NCKAP5: variants seen among roughly 807,000 people sequenced by gnomAD.
NCKAP5 encodes the protein NCK associated protein 5.
In NCKAP5, 92 loss-of-function variants were observed where a neutral mutation model predicts 167.0. That is an observed-to-expected ratio of 0.55 (90% CI 0.47 to 0.66). The LOEUF is 0.66. NCKAP5 is among the 30% of genes least tolerant of loss of function. The pLI is 0.00. For synonymous variants in NCKAP5, 891 were observed against 877.4 expected (o/e 1.02, Z -0.27); for missense variants, 2,378 against 2,315.0 (o/e 1.03, Z -0.56).
intron 5 of NCKAP5, among the ~76,000 whole-genome samples, chr2:133,190,613 C>T (rs866350879): frequency 1.3e-4 from 20 of 152,044 alleles, no homozygotes; most frequent in African/African-American, 4.1e-4. Context: ...AGAAATAATA[C>T]CACACATCTA....
Position 132,994,212 on chromosome 2 carries a change from CA to C in NCKAP5, c.368del (p.Leu123CysfsTer17). ...TCTGCTCTGGAGATCCTTGACTCTG[CA>C]ATAGATTTCGTACTGTTTCTTCCAT... ...SRMEETVRNL[L>X]QSQGSPEQKK... On this transcript the variant is annotated frameshift_variant, in exon 7 of 20. Coordinates refer to ENST00000409261, the MANE Select transcript of NCKAP5 (RefSeq NM_207363.3). LOFTEE classifies it high-confidence loss of function. 6.3e-7 allele frequency: 1 copy of C among 1,590,128 alleles called. No homozygotes were observed.
At chr2:133,427,520 C>T (rs1257830387) in intron 3 of NCKAP5, among the ~76,000 whole-genome samples, 2 of 152,090 alleles carry the variant, frequency 1.3e-5, no homozygotes, top group Non-Finnish European at 2.9e-5. Context: ...TAAACATTTT[C>T]ATAATTAACT....
At chr2:133,536,817 T>C (rs1333678496) in intron 2 of NCKAP5, among the ~76,000 whole-genome samples, 1 of 152,012 alleles carries the variant, frequency 6.6e-6, no homozygotes, top group East Asian at 1.9e-4. Flanking sequence ...ATTTTACTGA[T>C]GTCCAAGCTA....
intron 4 of NCKAP5, among the ~76,000 whole-genome samples, chr2:133,294,926 A>AATT (rs1243600006): frequency 1.3e-5 from 2 of 152,154 alleles, no homozygotes; most frequent in African/African-American, 4.8e-5. Flanking sequence ...ATGCTTTAAA[A>AATT]ATTAGTCTTT....
intron 8 of NCKAP5, among the ~76,000 whole-genome samples, chr2:132,912,865 T>C (rs1189551448): frequency 1.3e-5 from 2 of 152,192 alleles, no homozygotes; most frequent in South Asian, 2.1e-4. Flanking sequence ...TCTAGTGTTA[T>C]TTCACATCCC....
chr2:133,525,626 A>G (rs1684809001), intron 2 of NCKAP5, among the ~76,000 whole-genome samples: 1 of 152,242 alleles, frequency 6.6e-6, no homozygotes, highest in Non-Finnish European at 1.5e-5. Flanking sequence ...AAAACAAATT[A>G]TTGAGATATA....
At chr2:133,397,396 A>ATTTTGAAAATAT (rs1210828829) in intron 3 of NCKAP5, among the ~76,000 whole-genome samples, 9 of 152,220 alleles carry the variant, frequency 5.9e-5, no homozygotes, top group Non-Finnish European at 1.5e-5. Flanking sequence ...TTGATATAAT[A>ATTTTGAAAATAT]TGTGAAAATA....
chr2:133,469,672 T>A (rs1414404957), intron 3 of NCKAP5, among the ~76,000 whole-genome samples: 4 of 152,108 alleles, frequency 2.6e-5, no homozygotes, highest in African/African-American at 7.2e-5. Context: ...TTTGGTCTTT[T>A]CACATAGTCC....
chr2:133,586,230 C>T, the NCKAP5 span, among the ~76,000 whole-genome samples: 1 of 152,122 alleles, frequency 6.6e-6, no homozygotes, highest in South Asian at 2.1e-4. Flanking sequence ...TATCTAAGCA[C>T]CTCCCTCAGA....
At chr2:133,202,189 T>C (rs1407854125) in intron 5 of NCKAP5, among the ~76,000 whole-genome samples, 5 of 152,026 alleles carry the variant, frequency 3.3e-5, no homozygotes, top group Non-Finnish European at 5.9e-5. Flanking sequence ...ACAACAGAGA[T>C]ATAGACCAAT....
intron 3 of NCKAP5, among the ~76,000 whole-genome samples, chr2:133,426,746 T>C (rs910244367): frequency 6.6e-6 from 1 of 152,208 alleles, no homozygotes; most frequent in Non-Finnish European, 1.5e-5. Context: ...GAGTGTATCA[T>C]TAATTGTGAC....
chr2:132,979,971 TTTTTTTC>T (rs1309763122), intron 7 of NCKAP5, among the ~76,000 whole-genome samples: 1 of 151,646 alleles, frequency 6.6e-6, no homozygotes. Flanking sequence ...ACAATGATTT[TTTTTTTC>T]TTTTTCTTTT....
intron 3 of NCKAP5, among the ~76,000 whole-genome samples, chr2:133,489,954 A>T (rs901544694): frequency 6.6e-6 from 1 of 152,162 alleles, no homozygotes; most frequent in Non-Finnish European, 1.5e-5. Flanking sequence ...GCTGGGCTCT[A>T]AAGGGGAGAT....
rs890758978 is a variant in NCKAP5 at position 132,865,689 on chromosome 2, A to G, written c.687+3247T>C. Among the ~76,000 whole-genome samples the G allele has an allele frequency of 5.3e-5, 8 of 152,120 alleles. No individual in the cohort carries two copies. In the East Asian group the frequency reaches 1.4e-3, roughly 26 times the overall value. ...TCTCTGTCCTACTGAACTATGGGGG[A>G]GAAAAACAAGTGACAGAATGGGATT... On this transcript the variant is annotated intron_variant, in intron 10 of 19. Transcript: ENST00000409261.
At chr2:133,261,914 T>C (rs531225978) in intron 4 of NCKAP5, among the ~76,000 whole-genome samples, 28 of 152,294 alleles carry the variant, frequency 1.8e-4, no homozygotes, top group African/African-American at 6.3e-4. Flanking sequence ...GCCAATGTAA[T>C]TGCTTCAGGT....
In NCKAP5 at chr2:132,782,344, C is replaced by T. The variant is rs1472478967; in HGVS notation, c.4467G>A (p.Val1489=). The part of the protein sequence containing the change: ...CIQENVEKGQ[V]QTKPTSVEAK... Reference sequence around the variant, plus strand: ...CTTCCACAGAGGTGGGCTTTGTTTGCACTTGGCCCTTTTCCACATTTTCCT... The same window carrying T: ...CTTCCACAGAGGTGGGCTTTGTTTGTACTTGGCCCTTTTCCACATTTTCCT... The change falls in exon 14 of 20, where the codon GTG becomes GTA. Residue 1489 remains valine (V), a synonymous_variant. Transcript: ENST00000409261. 1.2e-6 allele frequency: 2 copies of T among 1,613,930 alleles called. No individual in the cohort carries two copies. Among genetic ancestry groups the T allele is most frequent in the Admixed American group, 1.7e-5 (1 of 60,006 alleles).
chr2:133,273,895 A>T (rs941195876), intron 4 of NCKAP5, among the ~76,000 whole-genome samples: 6 of 113,850 alleles, frequency 5.3e-5, no homozygotes, highest in East Asian at 5.1e-4. Context: ...TTCAGGGTTT[A>T]AAAAAAAATA....
At chr2:133,011,387 GCGC>G (rs1208043118) in intron 6 of NCKAP5, among the ~76,000 whole-genome samples, 17 of 152,200 alleles carry the variant, frequency 1.1e-4, no homozygotes, top group Non-Finnish European at 2.1e-4. Flanking sequence ...ACAAAGGACT[GCGC>G]TGAAAGAAGA....
chr2:133,178,166 G>A (rs2084551587), intron 5 of NCKAP5, among the ~76,000 whole-genome samples: 1 of 152,096 alleles, frequency 6.6e-6, no homozygotes, highest in African/African-American at 2.4e-5. Context: ...TCTCCTACTG[G>A]AGACGTAGCA....
Sources: gnomAD v4.1 joint callset for allele counts (sites outside exome capture counted in the v4.1 genomes callset) on GRCh38, gnomAD v4.1.1 for gene constraint, MANE v1.5 for transcripts, NCBI Gene and HGNC (gene_info 2026-07-23, HGNC 2026-07-21) for gene names.